The following ZC3H13 variants were observed in gnomAD, a reference collection of about 807,000 sequenced individuals.
The protein encoded by ZC3H13 is zinc finger CCCH-type containing 13, also known as zinc finger CCCH domain-containing protein 13.
Under a neutral mutation model 204.1 loss-of-function variants are expected in ZC3H13, and 64 were observed. That is an observed-to-expected ratio of 0.31 (90% confidence interval 0.26 to 0.39). The LOEUF (loss-of-function observed/expected upper bound fraction) is 0.39. Ranked by LOEUF, ZC3H13 falls within the 10% of genes least tolerant of loss-of-function variation. The pLI is 1.00. For synonymous variants in ZC3H13, 667 were observed against 693.7 expected (o/e 0.96, Z 0.60); for missense variants, 1,833 against 2,082.7 (o/e 0.88, Z 2.33).
chr13:45,957,482 A>G (rs1409284550), intron 18 of ZC3H13, among the ~76,000 whole-genome samples, 185 bp from the exon 19 acceptor site: 1 of 152,218 alleles, frequency 6.6e-6, no homozygotes, highest in Non-Finnish European at 1.5e-5. Context: ...ATCTTTGAAA[A>G]GAAACTTTTA....
In ZC3H13 at chr13:45,975,499, C is replaced by T. The variant is rs528381815; in HGVS notation, c.2252G>A (p.Arg751Gln). 29 of 1,612,470 alleles carry T rather than the reference C, an allele frequency of 1.8e-5. No homozygotes were observed. Among genetic ancestry groups the T allele is most frequent in the East Asian group, 2.2e-5 (1 of 44,788 alleles). Residue 751 changes from arginine (R) to glutamine (Q), a missense_variant, in exon 12 of 19, where the codon CGA (arginine) becomes CAA (glutamine). Arg to Gln is a conservative substitution (Grantham distance 43). This residue lies in a region of ZC3H13 where 1,574 missense variants were observed against 1,757.2 expected (regional missense o/e 0.90). Coordinates refer to ENST00000679008, the MANE Select transcript of ZC3H13 (RefSeq NM_001330564.2). Reference protein sequence around the residue: ...RERDREKEREREREERERERE... With the variant: ...RERDREKEREQEREERERERE... ...CTCCCTCTCTCTCTCTTCTCTTTCTCGTTCCCGTTCTTTTTCCCTGTCTCG... is the reference window on the plus strand; with the variant it reads ...CTCCCTCTCTCTCTCTTCTCTTTCTTGTTCCCGTTCTTTTTCCCTGTCTCG...
intron 8 of ZC3H13, 130 bp from the exon 9 acceptor site, chr13:45,989,227 A>G (rs1174253898): frequency 1.3e-5 from 12 of 950,016 alleles, no homozygotes; most frequent in Non-Finnish European, 1.7e-5. Flanking sequence ...TTTAATTCAC[A>G]ATGCTGTAAA....
chr13:46,016,563 A>T (rs1298666973), intron 5 of ZC3H13, among the ~76,000 whole-genome samples: 2 of 152,114 alleles, frequency 1.3e-5, no homozygotes, highest in Non-Finnish European at 2.9e-5. Flanking sequence ...GACAGTAGTT[A>T]CCTTTGAGGG....
intron 8 of ZC3H13, among the ~76,000 whole-genome samples, chr13:45,996,037 A>G (rs919393253): frequency 6.6e-6 from 1 of 152,238 alleles, no homozygotes; most frequent in African/African-American, 2.4e-5. Context: ...TACTGAAACC[A>G]AAATATCTGG....
Position 45,970,408 on chromosome 13 carries a change from A to C in ZC3H13, c.2526T>G (p.Arg842=). Reference sequence around the variant, plus strand: ...AGGCATCACTGTCCGGAGAATGTTCACGCCGGCGCTTCGGGGACTGTCTAG... The same window carrying C: ...AGGCATCACTGTCCGGAGAATGTTCCCGCCGGCGCTTCGGGGACTGTCTAG... The part of the protein sequence containing the change: ...PSPRQSPKRR[R]EHSPDSDAYN... The change falls in exon 13 of 19, where the codon CGT becomes CGG. Residue 842 remains arginine (R), a synonymous_variant. Transcript: ENST00000679008. The C allele has an allele frequency of 6.2e-7, 1 of 1,613,968 alleles. No homozygotes were observed. Among genetic ancestry groups the C allele is most frequent in the Non-Finnish European group, 8.5e-7 (1 of 1,179,880 alleles).
In ZC3H13 at chr13:45,967,859, T is replaced by TA; in HGVS notation, c.3965_3966insT (p.Glu1322AspfsTer7). Reference sequence around the variant, plus strand: ...AATCTTTATCAGCATCTCGGTCCCATTCTCTCTGCCTCGTATCTCTCCTCT... The same window carrying TA: ...AATCTTTATCAGCATCTCGGTCCCATATCTCTCTGCCTCGTATCTCTCCTCT... On this transcript the variant is annotated frameshift_variant, in exon 15 of 19. Transcript: ENST00000679008. LOFTEE classifies it high-confidence loss of function. The TA allele has an allele frequency of 6.2e-7, 1 of 1,614,038 alleles. No individual in the cohort carries two copies. The highest frequency in any genetic ancestry group is 2.2e-5 in the East Asian group (1 of 44,870).
At chr13:46,017,026 C>A (rs1467298134) in intron 5 of ZC3H13, among the ~76,000 whole-genome samples, 1 of 151,912 alleles carries the variant, frequency 6.6e-6, no homozygotes, top group African/African-American at 2.4e-5. Flanking sequence ...AAAAGTGATG[C>A]CCTTAAGATA....
chr13:46,017,954 A>C (rs1014452207), intron 5 of ZC3H13, among the ~76,000 whole-genome samples: 1 of 152,172 alleles, frequency 6.6e-6, no homozygotes, highest in Admixed American at 6.6e-5. Flanking sequence ...CACCTTTTAA[A>C]AGAATTTCCT....
Position 45,989,420 on chromosome 13 carries a change from T to A in ZC3H13, c.945-323A>T, listed in dbSNP as rs145493145. Among the ~76,000 whole-genome samples, 164 of 152,232 alleles carry A rather than the reference T, an allele frequency of 1.1e-3. 2 individuals carry two copies. The East Asian group carries it at 0.028, about 26-fold the overall frequency. On this transcript the variant is annotated intron_variant, in intron 8 of 18. Coordinates refer to ENST00000679008, the MANE Select transcript of ZC3H13 (RefSeq NM_001330564.2). ...AATTCACTCTGATAATCTCTGAAAGTGTGAACAAATACTTAGAGGGAGAAA... is the reference window on the plus strand; with the variant it reads ...AATTCACTCTGATAATCTCTGAAAGAGTGAACAAATACTTAGAGGGAGAAA...
intron 5 of ZC3H13, among the ~76,000 whole-genome samples, chr13:46,014,445 T>C (rs1158751806): frequency 6.6e-6 from 1 of 152,152 alleles, no homozygotes. Context: ...AAAATAATCA[T>C]AGATATATAA....
Position 45,979,805 on chromosome 13 carries a change from T to C in ZC3H13, c.1912+8A>G. On this transcript the variant is annotated splice_region_variant and intron_variant, in intron 11 of 18. Coordinates refer to ENST00000679008, the MANE Select transcript of ZC3H13 (RefSeq NM_001330564.2). ...GTTCACTATTTAATAAAATTCTGTT[T>C]GACAAACCTCTCTCTCTGTTGTCAC... 1.3e-6 allele frequency: 2 copies of C among 1,552,612 alleles called. No homozygotes were observed. The highest frequency in any genetic ancestry group is 2.4e-5 in the South Asian group (2 of 81,768).
At position 45,988,840 on chromosome 13, in the gene ZC3H13, T is replaced by C; in HGVS notation, c.1202A>G (p.His401Arg). 1 of 1,614,228 alleles carries C rather than the reference T, an allele frequency of 6.2e-7. No individual in the cohort carries two copies. The highest frequency in any genetic ancestry group is 8.5e-7 in the Non-Finnish European group (1 of 1,180,028). Residue 401 changes from histidine (H) to arginine (R), a missense_variant, in exon 9 of 19, where the codon CAT (histidine) becomes CGT (arginine). Physicochemically the swap from His to Arg is conservative, Grantham distance 29 (BLOSUM62 0). Transcript: ENST00000679008. The stretch of plus-strand genomic sequence containing the variant: ...AGACTGTGAAGTTCGTTCATGATCA[T>C]GTCTCCCTTTCTCTCGCATTGGAGA... ...HRSPMREKGRHDHERTSQSHD... is the reference protein window; with the variant it reads ...HRSPMREKGRRDHERTSQSHD...
intron 4 of ZC3H13, among the ~76,000 whole-genome samples, chr13:46,040,023 C>T (rs138163460): frequency 1.8e-3 from 269 of 152,186 alleles, no homozygotes; most frequent in African/African-American, 5.9e-3. Flanking sequence ...GTAATACACA[C>T]GCTTAGCCCC....
chr13:46,041,040 A>G (rs907929182), intron 4 of ZC3H13, among the ~76,000 whole-genome samples: 1 of 152,190 alleles, frequency 6.6e-6, no homozygotes, highest in African/African-American at 2.4e-5. Context: ...AAGGTTAAAC[A>G]CACAGTTACC....
rs556702716 is a variant in ZC3H13, at chr13:45,998,628, G to A, written c.944+4511C>T. ...TGTGCCACTGCACTCCAGCCTGGGT[G>A]ACACAGCGAAACTCCGTCTCAAAAA... On this transcript the variant is annotated intron_variant, in intron 8 of 18. Transcript: ENST00000679008. Among the ~76,000 whole-genome samples, 10 of 151,096 alleles carry A rather than the reference G, an allele frequency of 6.6e-5. No homozygotes were observed. In the East Asian group the frequency reaches 1.4e-3, roughly 21 times the overall value.
intron 8 of ZC3H13, among the ~76,000 whole-genome samples, chr13:45,992,967 T>TTA (rs1566230270): frequency 6.6e-6 from 1 of 152,132 alleles, no homozygotes. Flanking sequence ...TCACAGGGCT[T>TTA]TATAGCCTCC....
At chr13:46,023,233 A>G (rs1479016294) in intron 4 of ZC3H13, among the ~76,000 whole-genome samples, 1 of 152,188 alleles carries the variant, frequency 6.6e-6, no homozygotes, top group Non-Finnish European at 1.5e-5. Context: ...GAAGCCCTCT[A>G]TTACAAGACT....
intron 4 of ZC3H13, among the ~76,000 whole-genome samples, chr13:46,022,678 A>G (rs1486300987): frequency 2.0e-5 from 3 of 151,976 alleles, no homozygotes; most frequent in Non-Finnish European, 4.4e-5. Flanking sequence ...ACAGTATTTT[A>G]GCCAAAACCC....
chr13:45,963,778 T>A, intron 17 of ZC3H13, 64 bp downstream of exon 17: 1 of 1,603,516 alleles, frequency 6.2e-7, no homozygotes, highest in Non-Finnish European at 8.5e-7. Context: ...CAGATCAGAA[T>A]CCCCTTCAGA....
Sources: allele counts gnomAD v4.1 joint callset (sites outside exome capture counted in the v4.1 genomes callset), GRCh38; gene constraint gnomAD v4.1.1; regional missense constraint gnomAD v4.1.1; transcripts MANE v1.5; gene names NCBI Gene and HGNC (gene_info 2026-07-23, HGNC 2026-07-21).